The following RUNX3 variants were observed in gnomAD, a reference collection of about 807,000 sequenced individuals.
RUNX3 encodes runt-related transcription factor 3.
Under a neutral mutation model 27.7 loss-of-function variants are expected in RUNX3, and 10 were observed. The ratio of observed to expected loss-of-function variants is 0.36; its 90% CI spans 0.22 to 0.61. The LOEUF (loss-of-function observed/expected upper bound fraction) is 0.61, where lower values mean the gene tolerates loss of function less well. Among genes scored for constraint, RUNX3 ranks in the 20% least tolerant of loss-of-function variants. The pLI, the probability that RUNX3 is intolerant of heterozygous loss-of-function variation, is 0.72. For missense variants in RUNX3, 469 were observed against 629.5 expected, an observed-to-expected ratio of 0.75 and a Z score of 2.73; for synonymous variants, 270 against 269.2, an observed-to-expected ratio of 1.00 and a Z score of -0.03.
At chr1:24,952,612 G>A (rs1006649056) in intron 2 of RUNX3, among the ~76,000 whole-genome samples, 2 of 152,174 alleles carry the variant, frequency 1.3e-5, no homozygotes. Flanking sequence ...ACACCCTCTC[G>A]CAGGGATGAG....
In RUNX3 at chr1:24,919,405, T is replaced by C. The variant is rs754415804; in HGVS notation, c.440-61A>G. The C allele has an allele frequency of 5.5e-6, 6 of 1,100,390 alleles. No homozygotes were observed. The African/African-American group carries it at 7.9e-5, about 14-fold the overall frequency. 68.2% of individuals were successfully genotyped at this position (1,100,390 alleles called of 1,614,324 possible). On this transcript the variant is annotated intron_variant, in intron 2 of 4. Coordinates refer to ENST00000308873, the MANE Select transcript of RUNX3 (RefSeq NM_004350.3). ...ACCTGGAGCTTCCACAATACCCTGC[T>C]CTCCCACCTGTATCTACCCCTGGAA...
intron 2 of RUNX3, among the ~76,000 whole-genome samples, chr1:24,963,457 CCT>C (rs1642173054): frequency 6.6e-6 from 1 of 152,186 alleles, no homozygotes; most frequent in Admixed American, 6.5e-5. Context: ...TCTCATGCAG[CCT>C]CTCTGTTCTG....
At chr1:24,930,324 G>A, upstream of RUNX3, 1 of 702,948 alleles carries the variant, frequency 1.4e-6, no homozygotes, top group Non-Finnish European at 1.7e-6. This position sits in a 1 kb window ranked among gnomAD's most constrained non-coding sequence, Gnocchi z 4.1. Context: ...GGCCCGCGGG[G>A]CGGGGCTGGC....
intron 2 of RUNX3, among the ~76,000 whole-genome samples, chr1:24,955,832 A>T (rs1221356511): frequency 6.6e-6 from 1 of 152,242 alleles, no homozygotes; most frequent in African/African-American, 2.4e-5. Flanking sequence ...GGGAGAAGGC[A>T]TCTTTGTCCA....
chr1:24,938,755 T>G (rs1356586515), intron 2 of RUNX3, among the ~76,000 whole-genome samples: 2 of 152,126 alleles, frequency 1.3e-5, no homozygotes, highest in African/African-American at 2.4e-5. Context: ...CTCTTTGCCC[T>G]TCTGACTTCA....
In RUNX3 at chr1:24,928,638, C is replaced by T. The variant is rs1557846106; in HGVS notation, c.283-908G>A. The T allele has an allele frequency of 2.8e-5, 5 of 176,876 alleles. No homozygotes were observed. The South Asian group carries it at 5.1e-4, about 18-fold the overall frequency. The allele number at this position is 176,876 out of a possible 1,614,324, so 11.0% of individuals were successfully genotyped here. On this transcript the variant is annotated intron_variant, in intron 1 of 4. Transcript: ENST00000308873. ...AATTTCAAAGACTCCTTTTAAGCTC[C>T]AAGTGACAGTAAAACCTCCGATCTG... is the stretch of plus-strand genomic sequence containing the variant.
chr1:24,933,498 C>G (rs991796218), upstream of RUNX3, among the ~76,000 whole-genome samples: 2 of 152,004 alleles, frequency 1.3e-5, no homozygotes, highest in East Asian at 3.8e-4. Flanking sequence ...TGTGAAATGT[C>G]CAGTTCTCAT....
chr1:24,907,312 C>A lies in RUNX3; in HGVS notation c.650G>T (p.Gly217Val), dbSNP rs1013997091. 4 of 1,612,694 alleles carry A rather than the reference C, an allele frequency of 2.5e-6. No individual in the cohort carries two copies. The highest frequency in any genetic ancestry group is 1.3e-5 in the African/African-American group (1 of 74,904). The change falls in exon 4 of 5, where the codon GGC becomes GTC. Residue 217 changes from glycine to valine, a missense_variant. By Grantham distance (109) the Gly-to-Val change is moderately radical. This residue lies in a region of RUNX3 where 279 missense variants were observed against 343.0 expected (regional missense o/e 0.81). Coordinates refer to ENST00000308873, the MANE Select transcript of RUNX3 (RefSeq NM_004350.3). ...GAAGTGGCTTGTGGTGCTGAGTGAG[C>A]CTCGGGGGCTGGGTGTGCTCGGTGT... ...RVTPSTPSPR[G>V]SLSTTSHFSS...
At chr1:24,961,947 G>A (rs547109960) in intron 2 of RUNX3, 8 of 152,308 alleles carry the variant, frequency 5.3e-5, no homozygotes, top group African/African-American at 1.2e-4. Context: ...CTGAGAACCC[G>A]AGACCCGGAT....
exon 2 of RUNX3, chr1:24,964,574 C>A: frequency 6.2e-7 from 1 of 1,610,058 alleles, no homozygotes; most frequent in Non-Finnish European, 8.5e-7. Context: ...GATGCCATGC[C>A]CCGCTCTGAA....
In RUNX3 at chr1:24,908,091, G is replaced by C. The variant is rs541389454; in HGVS notation, c.545-674C>G. 2.5e-4 allele frequency among the ~76,000 whole-genome samples: 37 copies of C among 150,518 alleles called. 1 individual carries two copies. The highest frequency in any genetic ancestry group is 4.9e-4 in the Non-Finnish European group (33 of 67,630). On this transcript the variant is annotated intron_variant, in intron 3 of 4. Coordinates refer to ENST00000308873, the MANE Select transcript of RUNX3 (RefSeq NM_004350.3). ...GGTGATCCGAACCTCTACGACACGC[G>C]GTGATCCGAACCTCTACGACACGCG...
chr1:24,949,144 C>T (rs867454146), intron 2 of RUNX3, among the ~76,000 whole-genome samples: 11 of 151,986 alleles, frequency 7.2e-5, no homozygotes, highest in South Asian at 2.1e-4. Context: ...GCATTTCCCA[C>T]GGGCGGCTGT....
intron 2 of RUNX3, among the ~76,000 whole-genome samples, chr1:24,922,782 CAAAAA>C (rs57671911): frequency 4.6e-5 from 1 of 21,542 alleles, no homozygotes; most frequent in Admixed American, 5.5e-4. Context: ...GCCCACAGGG[CAAAAA>C]AAAAAAAAAA....
chr1:24,950,072 C>G (rs1278080891), intron 2 of RUNX3, among the ~76,000 whole-genome samples: 1 of 152,244 alleles, frequency 6.6e-6, no homozygotes, highest in East Asian at 1.9e-4. Context: ...TTCTGGGGGT[C>G]CTGCATGTCT....
At chr1:24,913,988 G>A (rs745772630) in intron 3 of RUNX3, among the ~76,000 whole-genome samples, 9 of 152,256 alleles carry the variant, frequency 5.9e-5, no homozygotes, top group Non-Finnish European at 1.0e-4. Context: ...GACAGGCTGT[G>A]ACTATCACCC....
intron 2 of RUNX3, among the ~76,000 whole-genome samples, chr1:24,953,600 A>G (rs1641835404): frequency 6.6e-6 from 1 of 152,228 alleles, no homozygotes; most frequent in African/African-American, 2.4e-5. Flanking sequence ...CAGCACAGAC[A>G]TGGGACATTA....
chr1:24,963,015 C>T (rs910711659), intron 2 of RUNX3: 2 of 152,206 alleles, frequency 1.3e-5, no homozygotes, highest in Non-Finnish European at 1.5e-5. Flanking sequence ...AAGGGAACAA[C>T]GTTATAATAG....
Position 24,904,358 on chromosome 1 carries a change from G to A in RUNX3, c.704-1692C>T, listed in dbSNP as rs539199929. On this transcript the variant is annotated intron_variant, in intron 4 of 4. Coordinates refer to ENST00000308873, the MANE Select transcript of RUNX3 (RefSeq NM_004350.3). This position sits in a 1 kb window ranked among gnomAD's most constrained non-coding sequence, Gnocchi z 5.7. ...TCAGCAGCGTACTCTGGCCCTGGGC[G>A]TGGATCCGAACGGAGTGATGCTCCT... Among the ~76,000 whole-genome samples the A allele has an allele frequency of 2.0e-4, 31 of 152,362 alleles. No individual in the cohort carries two copies. The highest frequency in any genetic ancestry group is 1.4e-3 in the East Asian group (7 of 5,178).
chr1:24,944,605 T>C (rs2124345206), intron 2 of RUNX3, among the ~76,000 whole-genome samples: 1 of 152,220 alleles, frequency 6.6e-6, no homozygotes, highest in South Asian at 2.1e-4. Flanking sequence ...ATCACAAGGA[T>C]CCTCACACAT....
Sources: allele counts gnomAD v4.1 joint callset (sites outside exome capture counted in the v4.1 genomes callset), GRCh38; gene constraint gnomAD v4.1.1; regional missense constraint gnomAD v4.1.1; non-coding constraint Gnocchi (gnomAD v3.1); transcripts MANE v1.5; gene names NCBI Gene and HGNC (gene_info 2026-07-23, HGNC 2026-07-21).